GAB3: variants seen among roughly 807,000 people sequenced by gnomAD.
GAB3 encodes the protein GRB2 associated binding protein 3, also known as GRB2-associated-binding protein 3.
Under a neutral mutation model 40.4 loss-of-function variants are expected in GAB3, and 12 were observed. That is an observed-to-expected ratio of 0.30 (90% CI 0.19 to 0.48). The LOEUF (loss-of-function observed/expected upper bound fraction) is 0.48. GAB3 is among the 20% of genes least tolerant of loss of function. GAB3 has a pLI of 0.99. For synonymous variants in GAB3, 154 were observed against 176.7 expected, an observed-to-expected ratio of 0.87 and a Z score of 1.02; for missense variants, 381 against 461.9, an observed-to-expected ratio of 0.82 and a Z score of 1.61.
intron 4 of GAB3, among the ~76,000 whole-genome samples, chrX:154,710,087 C>G (rs1204597059): frequency 9.9e-6 from 1 of 100,807 alleles, no homozygotes; most frequent in Admixed American, 9.9e-5. Flanking sequence ...ATATGCATAT[C>G]AAATCATCAT....
rs944950136 is a variant in GAB3, at chrX:154,677,761, A to G, written c.*417T>C. The G allele has an allele frequency of 2.2e-5, 4 of 184,074 alleles. No homozygotes were observed. The highest frequency in any genetic ancestry group is 4.0e-5 in the Non-Finnish European group (4 of 100,671). 15.2% of individuals were successfully genotyped at this position (184,074 alleles called of 1,213,427 possible). On this transcript the variant is annotated 3_prime_UTR_variant, in exon 10 of 10. Coordinates refer to ENST00000424127, the MANE Select transcript of GAB3 (RefSeq NM_001081573.3). ...ACCATTGCTGGGCTTGATCTCCTCA[A>G]CTGTCTTCAGAGGCTGGAACAAGAT...
intron 1 of GAB3, among the ~76,000 whole-genome samples, chrX:154,734,012 T>C (rs1428298956): frequency 2.7e-5 from 3 of 112,477 alleles, no homozygotes; most frequent in Non-Finnish European, 5.6e-5. Flanking sequence ...GATGTTAGAA[T>C]TCTCATTTGG....
intron 1 of GAB3, among the ~76,000 whole-genome samples, chrX:154,726,271 C>T (rs782448976): frequency 9.0e-6 from 1 of 111,186 alleles, no homozygotes; most frequent in Admixed American, 9.5e-5. Context: ...GTAAAAAATA[C>T]AATATCTGAA....
At chrX:154,745,152 T>A (rs1438064286) in intron 1 of GAB3, among the ~76,000 whole-genome samples, 4 of 110,399 alleles carry the variant, frequency 3.6e-5, no homozygotes, top group Non-Finnish European at 5.7e-5. Flanking sequence ...GCCAATATGG[T>A]GAAACCGCAT....
At chrX:154,729,416 G>A (rs1226434012) in intron 1 of GAB3, among the ~76,000 whole-genome samples, 13 of 111,585 alleles carry the variant, frequency 1.2e-4, no homozygotes, top group African/African-American at 3.3e-4. Flanking sequence ...TATGATGCTC[G>A]GTGCAATGAA....
intron 1 of GAB3, among the ~76,000 whole-genome samples, chrX:154,722,514 C>G (rs899774107): frequency 8.0e-5 from 9 of 111,980 alleles, no homozygotes; most frequent in Middle Eastern, 4.6e-3. Flanking sequence ...TAATTTCCTT[C>G]ACTATAGTAA....
chrX:154,720,598 G>T (rs2071115589), intron 1 of GAB3, among the ~76,000 whole-genome samples: 1 of 92,250 alleles, frequency 1.1e-5, no homozygotes, highest in Admixed American at 1.3e-4. Context: ...CTGCACTCCA[G>T]CCTGGGCGAC....
At chrX:154,751,300 G>A (rs1391156997), upstream of GAB3, among the ~76,000 whole-genome samples, 3 of 102,084 alleles carry the variant, frequency 2.9e-5, no homozygotes, top group Admixed American at 2.0e-4. Context: ...GGGGGTGTGG[G>A]GGGGGGAGCC....
chrX:154,710,321 C>A (rs2070917277), intron 4 of GAB3, among the ~76,000 whole-genome samples: 1 of 111,437 alleles, frequency 9.0e-6, no homozygotes, highest in Non-Finnish European at 1.9e-5. Context: ...AGAACCTGAC[C>A]AGCTGACTGT....
intron 2 of GAB3, among the ~76,000 whole-genome samples, chrX:154,714,650 C>T (rs1239923246): frequency 1.8e-5 from 2 of 112,377 alleles, no homozygotes; most frequent in African/African-American, 6.5e-5. Flanking sequence ...TCTCCAGTTT[C>T]GGCCTGGTGC....
At chrX:154,687,630 T>C (rs1305784696) in intron 8 of GAB3, among the ~76,000 whole-genome samples, 12 of 70,386 alleles carry the variant, frequency 1.7e-4, no homozygotes, top group East Asian at 1.2e-3. Flanking sequence ...CGAGACTCTG[T>C]CTCAAAAAAA....
chrX:154,731,601 A>C (rs1272710926), intron 1 of GAB3, among the ~76,000 whole-genome samples: 5 of 111,610 alleles, frequency 4.5e-5, no homozygotes, highest in African/African-American at 1.6e-4. Flanking sequence ...CTTTTCCCAC[A>C]AGAAAAGTAA....
intron 1 of GAB3, among the ~76,000 whole-genome samples, chrX:154,748,944 T>C (rs782055872): frequency 3.2e-4 from 36 of 111,631 alleles, no homozygotes; most frequent in African/African-American, 1.2e-3. Context: ...AGAATTTAGC[T>C]ATGAGAGGAA....
intron 9 of GAB3, among the ~76,000 whole-genome samples, chrX:154,679,700 A>T (rs1048950300): frequency 9.0e-6 from 1 of 111,556 alleles, no homozygotes; most frequent in East Asian, 2.8e-4. Context: ...ATTCTACCCA[A>T]AGGGGTAGCT....
chrX:154,733,636 T>C (rs1303548472), intron 1 of GAB3, among the ~76,000 whole-genome samples: 3 of 112,356 alleles, frequency 2.7e-5, no homozygotes, highest in Admixed American at 9.4e-5. Flanking sequence ...TCTGCTATCA[T>C]GTTTAGAAAG....
In GAB3 at chrX:154,712,288, C is replaced by G; in HGVS notation, c.1010G>C (p.Cys337Ser). ...STHSGSKKPE[C>S]TLVPRRISLS... ...GGAGATTCTTCTTGGAACCAGAGTG[C>G]ATTCTGGCTTCTTGCTACCACTGTG... The change falls in exon 4 of 10, where the codon TGC becomes TCC. Residue 337 changes from cysteine to serine, a missense_variant. Physicochemically the swap from Cys to Ser is moderately radical, Grantham distance 112 (BLOSUM62 -1). This residue lies in a region of GAB3 where 364 missense variants were observed against 421.0 expected (regional missense o/e 0.86). Coordinates refer to ENST00000424127, the MANE Select transcript of GAB3 (RefSeq NM_001081573.3). 8.3e-7 allele frequency: 1 copy of G among 1,209,563 alleles called. No individual in the cohort carries two copies. Among genetic ancestry groups the G allele is most frequent in the Non-Finnish European group, 1.1e-6 (1 of 894,231 alleles).
rs139432963 is a variant in GAB3, at chrX:154,713,196, C to T, written c.596+11G>A. ...GGCCCAGCTCAGACAGAGTCCTGGGCATAAGCATACCTGGTATGGTGCAGT... is the reference window on the plus strand; with the variant it reads ...GGCCCAGCTCAGACAGAGTCCTGGGTATAAGCATACCTGGTATGGTGCAGT... On this transcript the variant is annotated intron_variant, in intron 3 of 9. Coordinates refer to ENST00000424127, the MANE Select transcript of GAB3 (RefSeq NM_001081573.3). 4.6e-4 allele frequency: 546 copies of T among 1,189,791 alleles called. 1 individual carries two copies. The African/African-American group carries it at 7.8e-3, about 17-fold the overall frequency.
At chrX:154,747,181 G>T (rs1355000540) in intron 1 of GAB3, among the ~76,000 whole-genome samples, 6 of 111,488 alleles carry the variant, frequency 5.4e-5, no homozygotes, top group Non-Finnish European at 1.1e-4. Context: ...AATTTTTTTT[G>T]TGTTTTTAGT....
intron 8 of GAB3, among the ~76,000 whole-genome samples, chrX:154,680,803 G>C (rs928988029): frequency 1.1e-4 from 12 of 112,188 alleles, no homozygotes; most frequent in African/African-American, 3.9e-4. Flanking sequence ...AGTTTTATGA[G>C]TATGCAAGTA....
Sources: gnomAD v4.1 joint callset for allele counts (sites outside exome capture counted in the v4.1 genomes callset) on GRCh38, gnomAD v4.1.1 for gene constraint, gnomAD v4.1.1 regional missense constraint, MANE v1.5 for transcripts, NCBI Gene and HGNC (gene_info 2026-07-23, HGNC 2026-07-21) for gene names.